Variants in RBFOX2 observed in about 807,000 individuals in gnomAD.
RBFOX2 encodes the protein RNA binding protein fox-1 homolog 2.
In RBFOX2, 10 loss-of-function variants were observed where a neutral mutation model predicts 49.1. The ratio of observed to expected loss-of-function variants is 0.20; its 90% CI spans 0.13 to 0.35. RBFOX2 has a LOEUF of 0.35. Among genes scored for constraint, RBFOX2 ranks in the 10% least tolerant of loss-of-function variants. The probability of loss-of-function intolerance (pLI) is 1.00; values close to 1 mark genes in which losing one functional copy is unlikely to be tolerated. For missense variants in RBFOX2, 323 were observed against 486.9 expected, an observed-to-expected ratio of 0.66 and a Z score of 3.17; for synonymous variants, 183 against 187.4, an observed-to-expected ratio of 0.98 and a Z score of 0.19.
intron 1 of RBFOX2, among the ~76,000 whole-genome samples, chr22:35,818,337 A>G (rs928959177): frequency 6.6e-6 from 1 of 152,230 alleles, no homozygotes; most frequent in Middle Eastern, 3.2e-3. Context: ...TGTCTGTTCT[A>G]TTCAATGTAA....
intron 2 of RBFOX2, among the ~76,000 whole-genome samples, chr22:35,802,750 C>A (rs1034247638): frequency 1.3e-5 from 2 of 152,130 alleles, no homozygotes; most frequent in Non-Finnish European, 2.9e-5. Context: ...AGCTAGAAAT[C>A]TGAAGGGGAG....
intron 1 of RBFOX2, among the ~76,000 whole-genome samples, chr22:35,972,055 T>C (rs1438916722): frequency 1.3e-5 from 2 of 151,910 alleles, no homozygotes; most frequent in Non-Finnish European, 2.9e-5. Context: ...ACTGCCCTTC[T>C]GGGGTCACCA....
At chr22:35,989,073 C>G (rs1295557608) in intron 1 of RBFOX2, among the ~76,000 whole-genome samples, 2 of 152,122 alleles carry the variant, frequency 1.3e-5, no homozygotes, top group Non-Finnish European at 2.9e-5. Context: ...GTTGTGTTTG[C>G]AGTTAACTAT....
chr22:35,840,416 C>G (rs946065460), exon 1 of RBFOX2: 1 of 1,477,768 alleles, frequency 6.8e-7, no homozygotes, highest in African/African-American at 1.4e-5. Flanking sequence ...AGTCTCTCCC[C>G]CTCCTTCTTT....
intron 9 of RBFOX2, chr22:35,756,110 G>C: frequency 1.3e-6 from 2 of 1,501,220 alleles, no homozygotes; most frequent in Non-Finnish European, 1.8e-6. Context: ...CTTACATAGA[G>C]GTCAGCACCG....
At chr22:35,764,701 A>G (rs1411975940) in intron 6 of RBFOX2, among the ~76,000 whole-genome samples, 1 of 152,152 alleles carries the variant, frequency 6.6e-6, no homozygotes, top group Non-Finnish European at 1.5e-5. Flanking sequence ...CTCAGAATTC[A>G]ATCCATTTGG....
intron 1 of RBFOX2, among the ~76,000 whole-genome samples, chr22:35,969,615 T>C (rs557791044): frequency 6.6e-6 from 1 of 152,302 alleles, no homozygotes; most frequent in Non-Finnish European, 1.5e-5. Flanking sequence ...GGTCTCTCCA[T>C]AAACATGACA....
upstream of RBFOX2, among the ~76,000 whole-genome samples, chr22:35,964,825 TAAACA>T (rs1423467976): frequency 2.6e-5 from 4 of 152,196 alleles, no homozygotes; most frequent in Non-Finnish European, 5.9e-5. Context: ...CACCCTGTTG[TAAACA>T]TATATCCTTT....
chr22:36,013,626 AACACACACACAC>A (rs547422068), intron 1 of RBFOX2, among the ~76,000 whole-genome samples: 1 of 146,076 alleles, frequency 6.8e-6, no homozygotes, highest in Non-Finnish European at 1.5e-5. Flanking sequence ...GCATCACACA[AACACACACACAC>A]ACACACACAC....
At chr22:36,001,646 T>C (rs1363616225) in intron 1 of RBFOX2, among the ~76,000 whole-genome samples, 2 of 152,034 alleles carry the variant, frequency 1.3e-5, no homozygotes, top group East Asian at 3.9e-4. Context: ...GCCTTAGTCC[T>C]AGCTACTCAG....
At chr22:35,933,926 T>TTTTATATATATA (rs372778968) in intron 1 of RBFOX2, among the ~76,000 whole-genome samples, 1 of 118,020 alleles carries the variant, frequency 8.5e-6, no homozygotes, top group Non-Finnish European at 1.7e-5. Flanking sequence ...TAATTAAATG[T>TTTTATATATATA]TATATATATA....
chr22:35,787,372 G>A (rs1946638533), intron 2 of RBFOX2, among the ~76,000 whole-genome samples: 1 of 152,078 alleles, frequency 6.6e-6, no homozygotes, highest in Admixed American at 6.5e-5. Flanking sequence ...AAATAGGTCA[G>A]GCTATGCAGA....
intron 1 of RBFOX2, among the ~76,000 whole-genome samples, chr22:35,886,446 C>T (rs193034864): frequency 4.3e-4 from 65 of 152,258 alleles, no homozygotes; most frequent in Non-Finnish European, 6.6e-4. Context: ...CTGCTTAATG[C>T]CAGGCACACA....
At chr22:35,764,259 G>A (rs959725696) in intron 6 of RBFOX2, among the ~76,000 whole-genome samples, 7 of 152,036 alleles carry the variant, frequency 4.6e-5, no homozygotes, top group African/African-American at 1.5e-4. Context: ...AGCACATACA[G>A]CCATACTCTA....
intron 1 of RBFOX2, among the ~76,000 whole-genome samples, chr22:35,826,464 A>C (rs1331511730): frequency 6.6e-6 from 1 of 152,134 alleles, no homozygotes; most frequent in African/African-American, 2.4e-5. Flanking sequence ...ATAATCTTAA[A>C]GTTCTCCATG....
Position 36,020,170 on chromosome 22 carries a change from G to A in RBFOX2, c.186+8070C>T, listed in dbSNP as rs1373738585. Among the ~76,000 whole-genome samples, 5 of 152,132 alleles carry A rather than the reference G, an allele frequency of 3.3e-5. No individual in the cohort carries two copies. The South Asian group carries it at 6.2e-4, about 19-fold the overall frequency. On this transcript the variant is annotated intron_variant, in intron 1 of 13. Coordinates refer to the RBFOX2 transcript ENST00000438146. ...GGAAAGGATTCCCTATCTAATAAAC[G>A]GTGCTGGGAAAACTGGCTAGCCATA...
At chr22:36,009,719 TAC>T (rs2058743607) in intron 1 of RBFOX2, among the ~76,000 whole-genome samples, 1 of 152,150 alleles carries the variant, frequency 6.6e-6, no homozygotes, top group African/African-American at 2.4e-5. Context: ...AATATTTTAA[TAC>T]AGTGTGATAA....
At chr22:35,909,376 G>C (rs1016405708) in intron 1 of RBFOX2, among the ~76,000 whole-genome samples, 2 of 152,124 alleles carry the variant, frequency 1.3e-5, no homozygotes, top group Non-Finnish European at 2.9e-5. Context: ...GAAGGGAGTT[G>C]AGAGGTTGTA....
intron 9 of RBFOX2, among the ~76,000 whole-genome samples, chr22:35,757,273 G>C (rs1355067639): frequency 6.7e-6 from 1 of 149,090 alleles, no homozygotes; most frequent in Middle Eastern, 3.5e-3. Context: ...CTTAAGTATA[G>C]ATTTCCAACC....
Sources: gnomAD v4.1 joint callset for allele counts (sites outside exome capture counted in the v4.1 genomes callset) on GRCh38, gnomAD v4.1.1 for gene constraint, MANE v1.5 for transcripts, NCBI Gene and HGNC (gene_info 2026-07-23, HGNC 2026-07-21) for gene names.